ZFYVE26: variants seen among roughly 807,000 people sequenced by gnomAD.
ZFYVE26 encodes zinc finger FYVE-type containing 26.
In ZFYVE26, 181 loss-of-function variants were observed where a neutral mutation model predicts 276.5. The observed-to-expected ratio is 0.65, with a 90% CI of 0.58 to 0.74. ZFYVE26 has a LOEUF of 0.74. Among genes scored for constraint, ZFYVE26 ranks in the 30% least tolerant of loss-of-function variants. The pLI is 0.00. For missense variants in ZFYVE26, 2,821 were observed against 3,097.9 expected (o/e 0.91, Z 2.12); for synonymous variants, 1,129 against 1,203.1 (o/e 0.94, Z 1.27).
chr14:67,752,535 G>A lies in ZFYVE26; in HGVS notation c.7189-9C>T, dbSNP rs755524973. ...GCATCCAGCTGGAAGTCCTAGAACA[G>A]AACACAACATGATGGGCTTAGGAGC... On this transcript the variant is annotated splice_polypyrimidine_tract_variant and intron_variant, in intron 39 of 41. Coordinates refer to ENST00000347230, the MANE Select transcript of ZFYVE26 (RefSeq NM_015346.4). The A allele has an allele frequency of 8.1e-6, 13 of 1,613,966 alleles. 1 individual carries two copies. In the South Asian group the frequency reaches 1.4e-4, roughly 18 times the overall value.
At chr14:67,784,073 G>T (rs1566883549) in intron 20 of ZFYVE26, among the ~76,000 whole-genome samples, 1 of 152,128 alleles carries the variant, frequency 6.6e-6, no homozygotes. Context: ...TCATGTTATT[G>T]AATTTTTAGA....
chr14:67,743,656 A>G (rs1473163821), downstream of ZFYVE26, among the ~76,000 whole-genome samples: 1 of 152,248 alleles, frequency 6.6e-6, no homozygotes, highest in Non-Finnish European at 1.5e-5. Flanking sequence ...GGTGCATGTC[A>G]GCCTTGGGGT....
At chr14:67,742,838 C>CTTCTTTTTTTTTTTTTTTTTT (rs769663149), downstream of ZFYVE26, among the ~76,000 whole-genome samples, 4 of 89,768 alleles carry the variant, frequency 4.5e-5, no homozygotes, top group Non-Finnish European at 7.9e-5. Context: ...TCTTCTTCTT[C>CTTCTTTTTTTTTTTTTTTTTT]TTTTTTTTTT....
intron 37 of ZFYVE26, 39 bp from the exon 38 acceptor site, chr14:67,754,251 G>A: frequency 6.2e-7 from 1 of 1,613,770 alleles, no homozygotes; most frequent in Non-Finnish European, 8.5e-7. Context: ...CCTCATGAGG[G>A]GCCCCAGGTG....
At chr14:67,738,392 A>G (rs2038376271) in intron 13 of ZFYVE26, among the ~76,000 whole-genome samples, 2 of 148,482 alleles carry the variant, frequency 1.3e-5, no homozygotes, top group Admixed American at 1.3e-4. Context: ...TAAAATATAT[A>G]CTTATAGAAA....
At chr14:67,808,066 A>G (rs955864832) in intron 4 of ZFYVE26, 146 bp from the exon 5 acceptor site, 1 of 994,060 alleles carries the variant, frequency 1.0e-6, no homozygotes, top group East Asian at 2.6e-5. Context: ...TGTGTTAGAC[A>G]TTGTTCTAAG....
Position 67,769,651 on chromosome 14 carries a change from C to A in ZFYVE26, c.5564G>T (p.Gly1855Val). The change falls in exon 29 of 42, where the codon GGC becomes GTC. Residue 1855 changes from glycine to valine, a missense_variant. By Grantham distance (109) the Gly-to-Val change is moderately radical (BLOSUM62 -3). Transcript: ENST00000347230. The stretch of plus-strand genomic sequence containing the variant: ...CACACGAGCAGGGTTCTCTCTGCAG[C>A]CTTCAACCACCATTTTCTTAGTGGA... ...SCSTKKMVVEGCRENPARVCD... is the reference protein window; with the variant it reads ...SCSTKKMVVEVCRENPARVCD... The A allele has an allele frequency of 6.2e-7, 1 of 1,614,056 alleles. No homozygotes were observed. Among genetic ancestry groups the A allele is most frequent in the African/African-American group, 1.3e-5 (1 of 75,036 alleles).
In ZFYVE26 at chr14:67,760,451, G is replaced by A. The variant is rs114738627; in HGVS notation, c.6588+915C>T. Among the ~76,000 whole-genome samples the A allele has an allele frequency of 6.4e-3, 971 of 152,292 alleles. 14 individuals are homozygous for A. Among genetic ancestry groups the A allele is most frequent in the African/African-American group, 0.021 (867 of 41,558 alleles). On this transcript the variant is annotated intron_variant, in intron 35 of 41. Transcript: ENST00000347230. Reference sequence around the variant, plus strand: ...GTCTATCTGTACATTTGCATTGGCTGCTGTTTTGAATTAGGGTGGCAGAGT... The same window carrying A: ...GTCTATCTGTACATTTGCATTGGCTACTGTTTTGAATTAGGGTGGCAGAGT...
chr14:67,742,003 G>A (rs1007284), downstream of ZFYVE26, among the ~76,000 whole-genome samples: 16,449 of 152,226 alleles, frequency 0.11, 949 homozygotes, highest in Middle Eastern at 0.26. Flanking sequence ...AAGAACAAGC[G>A]CCCACGGAGC....
At position 67,783,042 on chromosome 14, in the gene ZFYVE26, G is replaced by C. The variant is rs753815763; in HGVS notation, c.4110C>G (p.Leu1370=). ...LEQFPLFEAF[L]LAAWEPLRGS... Reference sequence around the variant, plus strand: ...CTCGCAGGGGCTCCCAGGCAGCCAGGAGGAAGGCCTCAAACAGAGGGAATT... The same window carrying C: ...CTCGCAGGGGCTCCCAGGCAGCCAGCAGGAAGGCCTCAAACAGAGGGAATT... The change falls in exon 21 of 42, where the codon CTC becomes CTG. Residue 1370 remains leucine, a synonymous_variant. Coordinates refer to ENST00000347230, the MANE Select transcript of ZFYVE26 (RefSeq NM_015346.4). The C allele has an allele frequency of 5.0e-6, 8 of 1,614,206 alleles. No homozygotes were observed. Among genetic ancestry groups the C allele is most frequent in the Non-Finnish European group, 6.8e-6 (8 of 1,180,024 alleles).
In ZFYVE26 at chr14:67,793,705, G is replaced by T; in HGVS notation, c.2456C>A (p.Pro819His). ...GGGGATGAGTGAACTTTGAGGATGG[G>T]GGTGCAATCTACTGTGCAGCTCATT... ...GRNELHSRLH[P>H]HPQSSLIPMM... The change falls in exon 14 of 42, where the codon CCC (proline) becomes CAC (histidine). Residue 819 changes from proline (P) to histidine (H), a missense_variant. By Grantham distance (77) the Pro-to-His change is moderately conservative (BLOSUM62 -2). Coordinates refer to ENST00000347230, the MANE Select transcript of ZFYVE26 (RefSeq NM_015346.4). 6.2e-7 allele frequency: 1 copy of T among 1,613,852 alleles called. No individual in the cohort carries two copies. Among genetic ancestry groups the T allele is most frequent in the Non-Finnish European group, 8.5e-7 (1 of 1,179,908 alleles).
At chr14:67,805,095 A>G (rs2040149479) in intron 8 of ZFYVE26, 122 bp downstream of exon 8, 1 of 887,018 alleles carries the variant, frequency 1.1e-6, no homozygotes, top group African/African-American at 1.7e-5. Context: ...AATTTTTAGT[A>G]GCTGGTCAAC....
intron 34 of ZFYVE26, chr14:67,761,972 A>G: frequency 1.7e-6 from 1 of 588,984 alleles, no homozygotes; most frequent in Middle Eastern, 4.6e-4. Flanking sequence ...TGTCATTTTT[A>G]TCTTTTTAAA....
chr14:67,770,712 T>G (rs935790210), intron 28 of ZFYVE26, among the ~76,000 whole-genome samples: 1 of 152,172 alleles, frequency 6.6e-6, no homozygotes, highest in Non-Finnish European at 1.5e-5. Context: ...CTGGAACATA[T>G]ACAGTAGGCA....
intron 25 of ZFYVE26, among the ~76,000 whole-genome samples, chr14:67,777,038 C>T (rs4902517): frequency 0.61 from 93,332 of 152,084 alleles, 29,591 homozygotes; most frequent in East Asian, 0.92. Context: ...ACTTATCTCA[C>T]CTAATTACAT....
At chr14:67,762,942 A>C (rs2038971737) in intron 32 of ZFYVE26, 123 bp from the exon 33 acceptor site, 2 of 1,403,506 alleles carry the variant, frequency 1.4e-6, no homozygotes, top group Non-Finnish European at 1.9e-6. Flanking sequence ...TCGTTCTGTC[A>C]CCCAGGCTGG....
At chr14:67,772,298 A>T in intron 27 of ZFYVE26, 88 bp from the exon 28 acceptor site, 1 of 1,422,392 alleles carries the variant, frequency 7.0e-7, no homozygotes, top group Non-Finnish European at 9.7e-7. Flanking sequence ...TTACCATTTT[A>T]CAAACCGTTA....
chr14:67,733,486 G>A (rs761512), intron 13 of ZFYVE26, among the ~76,000 whole-genome samples: 76 of 151,930 alleles, frequency 5.0e-4, no homozygotes, highest in African/African-American at 1.7e-3. Flanking sequence ...ACTTCTGCTC[G>A]CCACTACTTT....
chr14:67,798,504 A>G lies in ZFYVE26; in HGVS notation c.1758T>C (p.Ser586=). 1 of 1,614,190 alleles carries G rather than the reference A, an allele frequency of 6.2e-7. No individual in the cohort carries two copies. The highest frequency in any genetic ancestry group is 8.5e-7 in the Non-Finnish European group (1 of 1,180,030). Residue 586 remains serine (S), a synonymous_variant, in exon 11 of 42, where the codon TCT becomes TCC. Coordinates refer to ENST00000347230, the MANE Select transcript of ZFYVE26 (RefSeq NM_015346.4). ...ENIFSLLLIT[S]ADLHPEPHLP... is the part of the protein sequence containing the mutation. ...AGTGAGGCTCTGGGTGAAGATCAGC[A>G]GAGGTGATGAGAAGCAATGAGAAGA...
Sources: gnomAD v4.1 joint callset for allele counts (sites outside exome capture counted in the v4.1 genomes callset) on GRCh38, gnomAD v4.1.1 for gene constraint, MANE v1.5 for transcripts, NCBI Gene and HGNC (gene_info 2026-07-23, HGNC 2026-07-21) for gene names.